ZNF578: variants seen among roughly 807,000 people sequenced by gnomAD.
The protein encoded by ZNF578 is zinc finger protein 578.
ZNF578 carries 8 observed loss-of-function variants against 8.3 expected under a neutral mutation model. The observed-to-expected ratio is 0.96, with a 90% CI of 0.56 to 1.74. The LOEUF is 1.74. Ranked by LOEUF, ZNF578 falls within the 40% of genes most tolerant of loss-of-function variation. The pLI, the probability that ZNF578 is intolerant of heterozygous loss-of-function variation, is 0.00. For missense variants in ZNF578, 726 were observed against 707.5 expected (o/e 1.03, Z -0.30); for synonymous variants, 206 against 232.2 (o/e 0.89, Z 1.03).
Position 52,511,957 on chromosome 19 carries a change from C to G in ZNF578, c.1576C>G (p.Leu526Val). The part of the protein sequence containing the change: ...CGKTFNVQSH[L>V]SRHHRLHTGE... ...GAAGACTTTTAATGTACAGTCACAC[C>G]TTTCACGTCATCATAGACTTCATAC... The change falls in exon 6 of 6, where the codon CTT (leucine) becomes GTT (valine). Residue 526 changes from leucine (L) to valine (V), a missense_variant. Leu to Val is a conservative substitution (Grantham distance 32). Coordinates refer to ENST00000421239, the MANE Select transcript of ZNF578 (RefSeq NM_001099694.2). 1 of 1,613,992 alleles carries G rather than the reference C, an allele frequency of 6.2e-7. No homozygotes were observed. The highest frequency in any genetic ancestry group is 8.5e-7 in the Non-Finnish European group (1 of 1,179,984).
In ZNF578 at chr19:52,498,856, G is replaced by T. The variant is rs143153070; in HGVS notation, c.-19-2971G>T. ...CGCCACGATGCCTGGCTAATTTTTT[G>T]TATTTTTGTTAGAGATGGGGTTTAC... is the stretch of plus-strand genomic sequence containing the variant. On this transcript the variant is annotated intron_variant, in intron 3 of 5. Transcript: ENST00000421239. Among the ~76,000 whole-genome samples the T allele has an allele frequency of 1.1e-3, 168 of 152,040 alleles. 2 individuals are homozygous for T. The East Asian group carries it at 0.027, about 24-fold the overall frequency.
chr19:52,465,119 A>T (rs1166710344), intron 2 of ZNF578, among the ~76,000 whole-genome samples: 1 of 152,142 alleles, frequency 6.6e-6, no homozygotes, highest in Admixed American at 6.5e-5. Context: ...ATTTCATGAA[A>T]TTCCCCCAAC....
intron 2 of ZNF578, among the ~76,000 whole-genome samples, chr19:52,486,548 C>T (rs1021785273): frequency 3.3e-5 from 5 of 152,050 alleles, no homozygotes; most frequent in African/African-American, 1.2e-4. Flanking sequence ...TGAAGGACGG[C>T]AAGGTAGGGA....
rs1164629700 is a variant in ZNF578 at position 52,459,769 on chromosome 19, A to ATTT, written c.-122+2833_-122+2835dup. On this transcript the variant is annotated intron_variant, in intron 2 of 5. Coordinates refer to ENST00000421239, the MANE Select transcript of ZNF578 (RefSeq NM_001099694.2). ...TGTGTGTGTATATATATATATATAT[A>ATTT]TTTTTTTTTTTTTTTTTTTTTTTTG... Among the ~76,000 whole-genome samples, 46 of 17,604 alleles carry ATTT rather than the reference A, an allele frequency of 2.6e-3. 3 individuals are homozygous for ATTT. Among genetic ancestry groups the ATTT allele is most frequent in the Admixed American group, 5.4e-3 (3 of 552 alleles). 11.5% of individuals were successfully genotyped at this position (17,604 alleles called of 152,430 possible). A position where few individuals can be genotyped will look rare whatever the true frequency, so the allele number is the denominator to read the frequency against.
chr19:52,485,649 C>T (rs2059342959), intron 2 of ZNF578, among the ~76,000 whole-genome samples: 1 of 152,220 alleles, frequency 6.6e-6, no homozygotes, highest in East Asian at 1.9e-4. Flanking sequence ...CCTTGAGATG[C>T]TGTTAATCTG....
chr19:52,513,128 C>T lies in ZNF578; in HGVS notation c.*974C>T, dbSNP rs1382783595. On this transcript the variant is annotated 3_prime_UTR_variant, in exon 6 of 6. Coordinates refer to ENST00000421239, the MANE Select transcript of ZNF578 (RefSeq NM_001099694.2). ...CTCCGCCTCCTGGGTTCAAGCGATTCCTCTGCCTCAGCCTCCCTAGTTGCT... is the reference window on the plus strand; with the variant it reads ...CTCCGCCTCCTGGGTTCAAGCGATTTCTCTGCCTCAGCCTCCCTAGTTGCT... Among the ~76,000 whole-genome samples the T allele has an allele frequency of 6.6e-6, 1 of 152,142 alleles. No individual in the cohort carries two copies. The highest frequency in any genetic ancestry group is 1.5e-5 in the Non-Finnish European group (1 of 68,038).
At position 52,514,275 on chromosome 19, in the gene ZNF578, G is replaced by A. The variant is rs547548; in HGVS notation, c.*2121G>A. On this transcript the variant is annotated 3_prime_UTR_variant, in exon 6 of 6. Transcript: ENST00000421239. Reference sequence around the variant, plus strand: ...TTCTGTACTTGTATATTTTCCAGTTGTTTTCCGGTTGACCCCAAAATTCGT... The same window carrying A: ...TTCTGTACTTGTATATTTTCCAGTTATTTTCCGGTTGACCCCAAAATTCGT... Among the ~76,000 whole-genome samples, 30,821 of 152,044 alleles carry A rather than the reference G, an allele frequency of 0.2. 3,263 individuals carry two copies. The highest frequency in any genetic ancestry group is 0.23 in the Non-Finnish European group (15,483 of 67,950).
At chr19:52,492,204 G>A (rs987650459) in intron 3 of ZNF578, among the ~76,000 whole-genome samples, 7 of 146,014 alleles carry the variant, frequency 4.8e-5, no homozygotes, top group African/African-American at 1.8e-4. Context: ...AGGGAGAGAC[G>A]AGGAAGGGAG....
intron 2 of ZNF578, chr19:52,458,495 G>T (rs1194321041): frequency 1.9e-4 from 5 of 26,250 alleles, no homozygotes; most frequent in African/African-American, 6.6e-4. Flanking sequence ...TTGAAAATCT[G>T]GGAAAAATGA....
intron 2 of ZNF578, among the ~76,000 whole-genome samples, chr19:52,487,218 G>C (rs1439783652): frequency 2.0e-5 from 3 of 152,044 alleles, no homozygotes; most frequent in African/African-American, 7.2e-5. Context: ...ACTCCCAGCT[G>C]CTCTGGTGGC....
chr19:52,479,399 G>A (rs1371491522), intron 2 of ZNF578, among the ~76,000 whole-genome samples: 1 of 151,942 alleles, frequency 6.6e-6, no homozygotes, highest in African/African-American at 2.4e-5. Context: ...GACGGGTGTG[G>A]TGGCGGGCGC....
intron 2 of ZNF578, among the ~76,000 whole-genome samples, chr19:52,459,612 TACACAC>T (rs71180468): frequency 1.5e-3 from 183 of 118,744 alleles, no homozygotes; most frequent in South Asian, 4.1e-3. Flanking sequence ...AATGTGTATG[TACACAC>T]ACACACACAC....
At chr19:52,507,922 G>T (rs992224115) in intron 5 of ZNF578, among the ~76,000 whole-genome samples, 1 of 152,142 alleles carries the variant, frequency 6.6e-6, no homozygotes, top group South Asian at 2.1e-4. Context: ...GGTGGCACAT[G>T]CCTGTAATCC....
chr19:52,498,806 C>A (rs968019715), intron 3 of ZNF578, among the ~76,000 whole-genome samples: 17 of 151,478 alleles, frequency 1.1e-4, no homozygotes, highest in Non-Finnish European at 5.9e-5. Flanking sequence ...CGTCAGCCTC[C>A]CAAGTAGCTG....
At chr19:52,493,568 A>G (rs572087969) in intron 3 of ZNF578, among the ~76,000 whole-genome samples, 1 of 152,182 alleles carries the variant, frequency 6.6e-6, no homozygotes, top group East Asian at 1.9e-4. Context: ...GGGGTGCTAG[A>G]GAGTGGGGAC....
intron 1 of ZNF578, 38 bp downstream of exon 1, chr19:52,453,645 C>T (rs1456735705): frequency 6.6e-6 from 1 of 152,308 alleles, no homozygotes; most frequent in Non-Finnish European, 1.5e-5. Flanking sequence ...CCGCTTCCAG[C>T]GCTTCTGTAC....
At chr19:52,464,810 C>T (rs1233200034) in intron 2 of ZNF578, among the ~76,000 whole-genome samples, 1 of 152,152 alleles carries the variant, frequency 6.6e-6, no homozygotes, top group African/African-American at 2.4e-5. Flanking sequence ...TATCTGGCTG[C>T]AGATTCTTTG....
chr19:52,485,460 T>G (rs1417975886), intron 2 of ZNF578, among the ~76,000 whole-genome samples: 1 of 152,202 alleles, frequency 6.6e-6, no homozygotes, highest in African/African-American at 2.4e-5. Flanking sequence ...TGCGCAGCAT[T>G]GAGCATCGAA....
intron 2 of ZNF578, among the ~76,000 whole-genome samples, chr19:52,486,133 T>G (rs2059344677): frequency 6.6e-6 from 1 of 152,214 alleles, no homozygotes; most frequent in African/African-American, 2.4e-5. Context: ...AGGTGAGACA[T>G]GCGGGCAGCA....
Sources: allele counts gnomAD v4.1 joint callset (sites outside exome capture counted in the v4.1 genomes callset), GRCh38; gene constraint gnomAD v4.1.1; transcripts MANE v1.5; gene names NCBI Gene and HGNC (gene_info 2026-07-23, HGNC 2026-07-21).